The following ZNF804A variants were observed in gnomAD, a reference collection of about 807,000 sequenced individuals.
The protein encoded by ZNF804A is zinc finger protein 804A.
A neutral mutation model predicts 16.5 loss-of-function variants in ZNF804A; 2 were observed. That is an observed-to-expected ratio of 0.12 (90% CI 0.05 to 0.38). ZNF804A has a LOEUF of 0.38. ZNF804A is among the 10% of genes least tolerant of loss of function. The pLI is 0.99. For missense variants in ZNF804A, 1,473 were observed against 1,390.7 expected (o/e 1.06, Z -0.94); for synonymous variants, 534 against 489.6 (o/e 1.09, Z -1.20).
intron 1 of ZNF804A, among the ~76,000 whole-genome samples, chr2:184,710,252 A>G (rs1429417664): frequency 6.6e-6 from 1 of 151,730 alleles, no homozygotes; most frequent in African/African-American, 2.4e-5. Context: ...AATCATGATA[A>G]TAAACATATC....
intron 1 of ZNF804A, among the ~76,000 whole-genome samples, chr2:184,699,536 A>T (rs1291821449): frequency 2.6e-5 from 4 of 152,072 alleles, no homozygotes; most frequent in Admixed American, 2.6e-4. Context: ...GCCAGCTTTC[A>T]TATTCACAGT....
At chr2:184,768,425 T>G (rs1037465852) in intron 1 of ZNF804A, among the ~76,000 whole-genome samples, 1 of 152,184 alleles carries the variant, frequency 6.6e-6, no homozygotes, top group African/African-American at 2.4e-5. Flanking sequence ...CCTTTGAAGA[T>G]CTGTAATTTG....
intron 1 of ZNF804A, among the ~76,000 whole-genome samples, chr2:184,729,756 A>G (rs1693482044): frequency 6.6e-6 from 1 of 152,122 alleles, no homozygotes; most frequent in Non-Finnish European, 1.5e-5. Context: ...TATAGTGTCT[A>G]GATATCTTGA....
chr2:184,716,548 G>A (rs1473948633), intron 1 of ZNF804A, among the ~76,000 whole-genome samples: 8 of 152,018 alleles, frequency 5.3e-5, no homozygotes, highest in African/African-American at 1.4e-4. Context: ...ATGTGCTCAC[G>A]ATTTCTAGGC....
At chr2:184,604,908 G>T (rs1691117800) in intron 1 of ZNF804A, among the ~76,000 whole-genome samples, 1 of 152,124 alleles carries the variant, frequency 6.6e-6, no homozygotes, top group African/African-American at 2.4e-5. Flanking sequence ...AGGGATTTCA[G>T]AGTGATAAAT....
chr2:184,680,619 C>T (rs368248340), intron 1 of ZNF804A, among the ~76,000 whole-genome samples: 18 of 152,244 alleles, frequency 1.2e-4, no homozygotes, highest in African/African-American at 3.6e-4. Flanking sequence ...TGCAGGTCAC[C>T]GCTGAGCTGT....
intron 1 of ZNF804A, among the ~76,000 whole-genome samples, chr2:184,854,915 G>C (rs1400107645): frequency 6.6e-6 from 1 of 152,022 alleles, no homozygotes; most frequent in Middle Eastern, 3.4e-3. Flanking sequence ...TCAACAGAAT[G>C]GTTGCAGCAA....
chr2:184,680,103 G>T (rs1692511802), intron 1 of ZNF804A, among the ~76,000 whole-genome samples: 1 of 152,206 alleles, frequency 6.6e-6, no homozygotes, highest in African/African-American at 2.4e-5. Context: ...CTTTGGAGAG[G>T]AGCTACCCAC....
rs368571781 is a variant in ZNF804A, at chr2:184,704,153, ATCT to A, written c.111+105085_111+105087del. 6.2e-3 allele frequency among the ~76,000 whole-genome samples: 692 copies of A among 111,600 alleles called. 12 individuals carry two copies. The highest frequency in any genetic ancestry group is 0.016 in the African/African-American group (632 of 38,352). The allele number at this position is 111,600 out of a possible 152,430, so 73.2% of individuals were successfully genotyped here. On this transcript the variant is annotated intron_variant, in intron 1 of 3. Coordinates refer to ENST00000302277, the MANE Select transcript of ZNF804A (RefSeq NM_194250.2). ...ACACTTTCAGATTGAGTTTCAGGAA[ATCT>A]TTTTTTTTTTTTGACACCGAGTTTC...
rs551155447 is a variant in ZNF804A, at chr2:184,727,438, C to T, written c.111+128368C>T. Among the ~76,000 whole-genome samples the T allele has an allele frequency of 9.2e-4, 140 of 151,676 alleles. 2 individuals carry two copies. In the South Asian group the frequency reaches 0.015, roughly 17 times the overall value. On this transcript the variant is annotated intron_variant, in intron 1 of 3. Transcript: ENST00000302277. ...TCTTCCTGCAGGAATGAAATGGACT[C>T]CTACTTCAAGTACTCAGCTAAACTT...
intron 1 of ZNF804A, among the ~76,000 whole-genome samples, chr2:184,834,222 C>G (rs1695307796): frequency 6.6e-6 from 1 of 152,046 alleles, no homozygotes; most frequent in South Asian, 2.1e-4. Flanking sequence ...CAAATAATAA[C>G]TGTTTATTTG....
intron 2 of ZNF804A, among the ~76,000 whole-genome samples, chr2:184,905,975 C>T (rs912093072): frequency 6.6e-6 from 1 of 152,156 alleles, no homozygotes; most frequent in African/African-American, 2.4e-5. Context: ...TTTCATTGAC[C>T]TTCAATGATC....
rs142841021 is a variant in ZNF804A at position 184,836,980 on chromosome 2, G to T, written c.112-29389G>T. 1.6e-3 allele frequency among the ~76,000 whole-genome samples: 239 copies of T among 151,756 alleles called. 2 individuals carry two copies. The highest frequency in any genetic ancestry group is 1.2e-3 in the Non-Finnish European group (79 of 67,912). On this transcript the variant is annotated intron_variant, in intron 1 of 3. Coordinates refer to ENST00000302277, the MANE Select transcript of ZNF804A (RefSeq NM_194250.2). ...TCAAGCCTTTGTGACTATGTACATGGTGTGTCTTCTTGCTGGAAATCTGTT... is the reference window on the plus strand; with the variant it reads ...TCAAGCCTTTGTGACTATGTACATGTTGTGTCTTCTTGCTGGAAATCTGTT...
chr2:184,872,317 C>A (rs1390249682), intron 2 of ZNF804A, among the ~76,000 whole-genome samples: 1 of 152,010 alleles, frequency 6.6e-6, no homozygotes, highest in Non-Finnish European at 1.5e-5. Context: ...ATTCTTTGAA[C>A]AGTATACTGA....
At chr2:184,699,581 A>C (rs1047901907) in intron 1 of ZNF804A, among the ~76,000 whole-genome samples, 2 of 152,114 alleles carry the variant, frequency 1.3e-5, no homozygotes, top group African/African-American at 4.8e-5. Flanking sequence ...TCTGTGTGAC[A>C]CTGACTGGTA....
At chr2:184,883,407 C>G (rs956597299) in intron 2 of ZNF804A, among the ~76,000 whole-genome samples, 2 of 152,076 alleles carry the variant, frequency 1.3e-5, no homozygotes, top group Non-Finnish European at 2.9e-5. Flanking sequence ...AGGAGAGATT[C>G]CTCCCTAACT....
chr2:184,804,880 T>C, intron 1 of ZNF804A, among the ~76,000 whole-genome samples: 1 of 152,354 alleles, frequency 6.6e-6, no homozygotes, highest in South Asian at 2.1e-4. Context: ...GCTATAGCTA[T>C]ATCTATCTTC....
rs370485924 is a variant in ZNF804A at position 184,709,228 on chromosome 2, T to C, written c.111+110158T>C. 7.2e-5 allele frequency among the ~76,000 whole-genome samples: 11 copies of C among 152,268 alleles called. 2 individuals are homozygous for C. On this transcript the variant is annotated intron_variant, in intron 1 of 3. Transcript: ENST00000302277. ...AATTTGAATTCAGAATGTCAGTGCC[T>C]GCTTTTACTCTCTGAAACTAAAGAA...
At chr2:184,712,151 A>G (rs1693138785) in intron 1 of ZNF804A, among the ~76,000 whole-genome samples, 1 of 151,636 alleles carries the variant, frequency 6.6e-6, no homozygotes, top group African/African-American at 2.4e-5. Context: ...CATCAGAGTT[A>G]TGTAGTTTTC....
Sources: allele counts gnomAD v4.1 joint callset (sites outside exome capture counted in the v4.1 genomes callset), GRCh38; gene constraint gnomAD v4.1.1; transcripts MANE v1.5; gene names NCBI Gene and HGNC (gene_info 2026-07-23, HGNC 2026-07-21).